BIN1: variants seen among roughly 807,000 people sequenced by gnomAD.
BIN1 encodes the protein myc box-dependent-interacting protein 1.
Under a neutral mutation model 82.0 loss-of-function variants are expected in BIN1, and 53 were observed. The observed-to-expected ratio is 0.65, with a 90% CI of 0.52 to 0.81. The LOEUF (loss-of-function observed/expected upper bound fraction) is 0.81. BIN1 is among the 40% of genes least tolerant of loss of function. The pLI, the probability that BIN1 is intolerant of heterozygous loss-of-function variation, is 0.00. For missense variants in BIN1, 642 were observed against 784.4 expected (o/e 0.82, Z 2.17); for synonymous variants, 302 against 328.0 (o/e 0.92, Z 0.86).
intron 13 of BIN1, 46 bp downstream of exon 13, chr2:127,053,859 C>T (rs368231827): frequency 2.6e-6 from 4 of 1,532,482 alleles, no homozygotes; most frequent in South Asian, 1.2e-5. Flanking sequence ...CAGGGTTGGG[C>T]ACCTGGAAGC....
At position 127,062,187 on chromosome 2, in the gene BIN1, T is replaced by C. The variant is rs1416231983; in HGVS notation, c.785A>G (p.Asn262Ser). The C allele has an allele frequency of 6.2e-6, 10 of 1,608,016 alleles. No individual in the cohort carries two copies. Among genetic ancestry groups the C allele is most frequent in the African/African-American group, 1.3e-5 (1 of 74,878 alleles). Reference protein sequence around the residue: ...FHKEMSKLNQNLNDVLVGLEK... With the variant: ...FHKEMSKLNQSLNDVLVGLEK... ...CAGGCCGACCAGCACATCATTGAGG[T>C]TCTGGTTGAGCTGCAGGAGAGACAG... is the stretch of plus-strand genomic sequence containing the variant. Residue 262 changes from asparagine to serine, a missense_variant, in exon 10 of 19, where the codon AAC (asparagine) becomes AGC (serine). By Grantham distance (46) the Asn-to-Ser change is conservative (BLOSUM62 1). Transcript: ENST00000316724.
intron 9 of BIN1, among the ~76,000 whole-genome samples, chr2:127,062,706 A>C (rs1684662669): frequency 6.6e-6 from 1 of 152,202 alleles, no homozygotes; most frequent in Admixed American, 6.5e-5. Flanking sequence ...TCTTCATCCT[A>C]TTTATAAACA....
chr2:127,055,544 C>G (rs756255255), intron 12 of BIN1: 7 of 152,290 alleles, frequency 4.6e-5, no homozygotes, highest in Non-Finnish European at 1.0e-4. Context: ...GCCCTGAGGA[C>G]GCCGGTGCAC....
At chr2:127,085,892 TCCCTCGA>T (rs1460720818) in intron 1 of BIN1, among the ~76,000 whole-genome samples, 1 of 152,172 alleles carries the variant, frequency 6.6e-6, no homozygotes, top group African/African-American at 2.4e-5. Flanking sequence ...CAACCTGCCC[TCCCTCGA>T]GGGAGATGCT....
At chr2:127,049,792 G>A (rs1485886058) in intron 18 of BIN1, among the ~76,000 whole-genome samples, 3 of 152,234 alleles carry the variant, frequency 2.0e-5, no homozygotes, top group African/African-American at 7.2e-5. Flanking sequence ...GACCTAGGAG[G>A]GACACACTTA....
At chr2:127,053,553 C>T in intron 13 of BIN1, 108 bp from the exon 14 acceptor site, 2 of 1,439,000 alleles carry the variant, frequency 1.4e-6, no homozygotes, top group Non-Finnish European at 1.9e-6. Flanking sequence ...CCATCCAGCC[C>T]AGCAGGCACA....
intron 18 of BIN1, 144 bp downstream of exon 18, chr2:127,050,277 G>A: frequency 1.3e-6 from 1 of 780,176 alleles, no homozygotes; most frequent in Non-Finnish European, 2.2e-6. Context: ...GACGTGGAGG[G>A]CGGGGAGGAG....
At chr2:127,083,078 C>CT (rs112344101) in intron 1 of BIN1, among the ~76,000 whole-genome samples, 19,716 of 142,742 alleles carry the variant, frequency 0.14, 1,631 homozygotes, top group Non-Finnish European at 0.19. Context: ...TTGCTTTTTT[C>CT]TTTTTTTTTT....
At chr2:127,053,856 G>T in intron 13 of BIN1, 49 bp downstream of exon 13, 1 of 1,522,748 alleles carries the variant, frequency 6.6e-7, no homozygotes, top group Non-Finnish European at 8.9e-7. Context: ...GCCCAGGGTT[G>T]GGCACCTGGA....
intron 10 of BIN1, 103 bp downstream of exon 10, chr2:127,062,012 C>CAG (rs1684558506): frequency 1.7e-5 from 24 of 1,395,834 alleles, no homozygotes; most frequent in Non-Finnish European, 2.3e-5. Flanking sequence ...CCCCCAAGGC[C>CAG]AAACCCATGG....
intron 10 of BIN1, among the ~76,000 whole-genome samples, chr2:127,061,599 C>CA (rs757406692): frequency 6.6e-6 from 1 of 152,216 alleles, no homozygotes; most frequent in Non-Finnish European, 1.5e-5. Context: ...CCTCAGGAAA[C>CA]AGAGGCCTCC....
At position 127,086,330 on chromosome 2, in the gene BIN1, T is replaced by C. The variant is rs1465573480; in HGVS notation, c.85-9624A>G. 4.6e-5 allele frequency among the ~76,000 whole-genome samples: 7 copies of C among 152,218 alleles called. 2 individuals carry two copies. Among genetic ancestry groups the C allele is most frequent in the Non-Finnish European group, 1.5e-5 (1 of 68,020 alleles). ...CTTGCTGAAGAAGATTCACACTCCA[T>C]CTTGCTTTGATCCAAAGATCGAACT... is the stretch of plus-strand genomic sequence containing the variant. On this transcript the variant is annotated intron_variant, in intron 1 of 18. Transcript: ENST00000316724.
At chr2:127,080,870 G>A (rs1002236395) in intron 1 of BIN1, among the ~76,000 whole-genome samples, 3 of 152,188 alleles carry the variant, frequency 2.0e-5, no homozygotes, top group Non-Finnish European at 4.4e-5. Context: ...GCTGGGCCTC[G>A]GCTGTGGAAG....
Position 127,069,975 on chromosome 2 carries a change from T to C in BIN1, c.411+20A>G. ...TCCCTCCAGGCCAGAGCAGGGCAGA[T>C]CTGCAAGTGGGTCTCTCACCTTGAT... On this transcript the variant is annotated intron_variant, in intron 5 of 18. Coordinates refer to ENST00000316724, the MANE Select transcript of BIN1 (RefSeq NM_139343.3). The C allele has an allele frequency of 1.2e-6, 2 of 1,612,810 alleles. No individual in the cohort carries two copies. The highest frequency in any genetic ancestry group is 1.7e-6 in the Non-Finnish European group (2 of 1,178,800).
intron 1 of BIN1, among the ~76,000 whole-genome samples, chr2:127,077,512 C>T (rs1022496566): frequency 1.3e-5 from 2 of 152,132 alleles, no homozygotes; most frequent in African/African-American, 2.4e-5. Context: ...GAAAGGAGGG[C>T]GCTGGCCAGG....
intron 2 of BIN1, among the ~76,000 whole-genome samples, chr2:127,075,743 GCC>G (rs1686506888): frequency 1.4e-5 from 1 of 71,154 alleles, no homozygotes; most frequent in African/African-American, 6.3e-5. Flanking sequence ...AATGCTCCCA[GCC>G]CTCCCAGCTG....
chr2:127,074,887 G>A (rs983261068), intron 2 of BIN1, among the ~76,000 whole-genome samples: 9 of 152,142 alleles, frequency 5.9e-5, no homozygotes, highest in Admixed American at 1.3e-4. Context: ...ATTTTTAGTA[G>A]AGGCGGGGTT....
intron 1 of BIN1, among the ~76,000 whole-genome samples, chr2:127,091,537 G>T (rs558042402): frequency 1.3e-5 from 2 of 152,228 alleles, no homozygotes; most frequent in South Asian, 4.1e-4. Context: ...CTGGAGGAAA[G>T]TTGGGAAGGA....
At chr2:127,051,073 C>G in intron 16 of BIN1, 81 bp downstream of exon 16, 1 of 1,574,550 alleles carries the variant, frequency 6.4e-7, no homozygotes, top group Non-Finnish European at 8.7e-7. Context: ...GGACCAGCAC[C>G]AGCAGGGGCC....
Sources: gnomAD v4.1 joint callset for allele counts (sites outside exome capture counted in the v4.1 genomes callset) on GRCh38, gnomAD v4.1.1 for gene constraint, MANE v1.5 for transcripts, NCBI Gene and HGNC (gene_info 2026-07-23, HGNC 2026-07-21) for gene names.